PCDH7: variants seen among roughly 807,000 people sequenced by gnomAD.
The protein encoded by PCDH7 is protocadherin-7.
In PCDH7, 17 loss-of-function variants were observed where a neutral mutation model predicts 58.9. That is an observed-to-expected ratio of 0.29 (90% CI 0.20 to 0.43). PCDH7 has a LOEUF of 0.43. Among genes scored for constraint, PCDH7 ranks in the 20% least tolerant of loss-of-function variants. The probability of loss-of-function intolerance (pLI) is 1.00; values close to 1 mark genes in which losing one functional copy is unlikely to be tolerated. For synonymous variants in PCDH7, 664 were observed against 616.4 expected, an observed-to-expected ratio of 1.08 and a Z score of -1.14; for missense variants, 1,274 against 1,441.0, an observed-to-expected ratio of 0.88 and a Z score of 1.88.
At chr4:30,892,416 G>C (rs1738741122) in intron 1 of PCDH7, among the ~76,000 whole-genome samples, 1 of 151,970 alleles carries the variant, frequency 6.6e-6, no homozygotes, top group African/African-American at 2.4e-5. Context: ...AAAAAAGGAA[G>C]AAAGTTCAGA....
At chr4:31,099,991 A>AAGGG (rs1268732328) in intron 3 of PCDH7, among the ~76,000 whole-genome samples, 1 of 146,320 alleles carries the variant, frequency 6.8e-6, no homozygotes, top group Non-Finnish European at 1.5e-5. Flanking sequence ...AAGAAGGAGG[A>AAGGG]AGGGAGGGAG....
At chr4:30,847,849 T>C (rs1408354448) in intron 1 of PCDH7, among the ~76,000 whole-genome samples, 2 of 152,156 alleles carry the variant, frequency 1.3e-5, no homozygotes, top group Non-Finnish European at 2.9e-5. Flanking sequence ...ACTTTGTTCA[T>C]ATTGGTACTA....
At chr4:31,141,498 C>G (rs1325806005) in intron 3 of PCDH7, among the ~76,000 whole-genome samples, 4 of 152,212 alleles carry the variant, frequency 2.6e-5, no homozygotes, top group African/African-American at 9.7e-5. Context: ...CAAACAAAGT[C>G]TGTAAAAACA....
intron 2 of PCDH7, among the ~76,000 whole-genome samples, chr4:30,946,718 G>A (rs1447624840): frequency 6.6e-6 from 1 of 151,408 alleles, no homozygotes; most frequent in Admixed American, 6.6e-5. Flanking sequence ...GTGTGTGTGT[G>A]TGTGTGTGTG....
At chr4:30,787,979 A>G (rs1560370534) in intron 1 of PCDH7, among the ~76,000 whole-genome samples, 1 of 152,090 alleles carries the variant, frequency 6.6e-6, no homozygotes, top group Non-Finnish European at 1.5e-5. Flanking sequence ...ATTTAATGCA[A>G]TTGAGCCGTT....
intron 2 of PCDH7, among the ~76,000 whole-genome samples, chr4:30,936,273 G>A (rs1745329493): frequency 6.6e-6 from 1 of 151,938 alleles, no homozygotes; most frequent in African/African-American, 2.4e-5. Flanking sequence ...ATGAAGGTGA[G>A]AAGAAGATAT....
At chr4:30,781,198 A>G (rs1722732093) in intron 1 of PCDH7, among the ~76,000 whole-genome samples, 1 of 150,638 alleles carries the variant, frequency 6.6e-6, no homozygotes, top group Non-Finnish European at 1.5e-5. Context: ...TTGCTTGGCT[A>G]TCCAACCCAA....
intron 2 of PCDH7, among the ~76,000 whole-genome samples, chr4:30,949,163 T>TTTACATTAC (rs1463757348): frequency 2.0e-5 from 3 of 152,196 alleles, no homozygotes; most frequent in Admixed American, 1.3e-4. Context: ...ATTTCATTTT[T>TTTACATTAC]TTACATTACT....
At chr4:31,142,921 C>A (rs1391255608) in exon 4 of PCDH7, 4 of 1,158,538 alleles carry the variant, frequency 3.5e-6, no homozygotes, top group Non-Finnish European at 4.5e-6. Flanking sequence ...CCTTACAAAG[C>A]AAAACGTTTA....
At chr4:31,103,304 T>A (rs556223664) in intron 3 of PCDH7, among the ~76,000 whole-genome samples, 2 of 152,162 alleles carry the variant, frequency 1.3e-5, no homozygotes, top group South Asian at 4.2e-4. Flanking sequence ...AGGCATATAA[T>A]TTTTTGGAAA....
At chr4:31,069,037 A>T (rs192950170) in intron 3 of PCDH7, among the ~76,000 whole-genome samples, 58 of 152,010 alleles carry the variant, frequency 3.8e-4, no homozygotes, top group Admixed American at 5.9e-4. Context: ...TAACTTCTTA[A>T]TATCTGTGTG....
intron 3 of PCDH7, among the ~76,000 whole-genome samples, chr4:31,062,239 C>T (rs1463062536): frequency 1.3e-5 from 2 of 151,520 alleles, no homozygotes; most frequent in Non-Finnish European, 3.0e-5. Context: ...AGGAGTACAT[C>T]CTAGAACATT....
At chr4:31,053,176 G>C (rs767737621) in intron 3 of PCDH7, among the ~76,000 whole-genome samples, 1 of 151,848 alleles carries the variant, frequency 6.6e-6, no homozygotes, top group African/African-American at 2.4e-5. Flanking sequence ...CCTCTACCTC[G>C]CCTCACTTCC....
chr4:30,984,966 TTTG>T lies in PCDH7; in HGVS notation c.*7+34766_*7+34768del, dbSNP rs202106995. Among the ~76,000 whole-genome samples, 30 of 152,078 alleles carry T rather than the reference TTTG, an allele frequency of 2.0e-4. No homozygotes were observed. The East Asian group carries it at 4.1e-3, about 21-fold the overall frequency. On this transcript the variant is annotated intron_variant, in intron 3 of 3. Transcript: ENST00000509759. ...TGTGCACTGTTTTATATTTCATCTT[TTTG>T]TTGTTGTTGTTGTTTTGGACAGAGT...
chr4:31,087,254 T>A (rs184591386), intron 3 of PCDH7, among the ~76,000 whole-genome samples: 8 of 152,226 alleles, frequency 5.3e-5, no homozygotes, highest in African/African-American at 1.7e-4. Flanking sequence ...CATTGTGGTG[T>A]CTGCACCTTT....
At chr4:31,049,535 A>C (rs888068612) in intron 3 of PCDH7, among the ~76,000 whole-genome samples, 5 of 152,108 alleles carry the variant, frequency 3.3e-5, no homozygotes, top group African/African-American at 1.2e-4. Context: ...AATCGTTGAT[A>C]TTGATTGTAT....
chr4:30,905,942 G>A (rs1296730519), intron 1 of PCDH7, among the ~76,000 whole-genome samples: 1 of 152,172 alleles, frequency 6.6e-6, no homozygotes, highest in Admixed American at 6.5e-5. Flanking sequence ...AGAAATCACA[G>A]AAGAGATGGT....
chr4:31,116,475 A>G (rs1164089366), intron 3 of PCDH7, among the ~76,000 whole-genome samples: 1 of 152,178 alleles, frequency 6.6e-6, no homozygotes, highest in East Asian at 1.9e-4. Flanking sequence ...GAACCGAAGT[A>G]GACAAACTTT....
At chr4:30,818,116 C>T (rs1727922609) in intron 1 of PCDH7, among the ~76,000 whole-genome samples, 1 of 152,126 alleles carries the variant, frequency 6.6e-6, no homozygotes, top group South Asian at 2.1e-4. Flanking sequence ...CCTCAGAGCT[C>T]AATATGTTTC....
Sources: gnomAD v4.1 joint callset for allele counts (sites outside exome capture counted in the v4.1 genomes callset) on GRCh38, gnomAD v4.1.1 for gene constraint, MANE v1.5 for transcripts, NCBI Gene and HGNC (gene_info 2026-07-23, HGNC 2026-07-21) for gene names.